The following DAAM2 variants were observed in gnomAD, a reference collection of about 807,000 sequenced individuals.
DAAM2 encodes the protein disheveled-associated activator of morphogenesis 2.
In DAAM2, 39 loss-of-function variants were observed where a neutral mutation model predicts 120.7. That is an observed-to-expected ratio of 0.32 (90% CI 0.25 to 0.42). The LOEUF (loss-of-function observed/expected upper bound fraction) is 0.42. DAAM2 is among the 10% of genes least tolerant of loss of function. DAAM2 has a pLI of 1.00. For missense variants in DAAM2, 1,283 were observed against 1,401.7 expected (o/e 0.92, Z 1.35); for synonymous variants, 488 against 524.9 (o/e 0.93, Z 0.96).
At chr6:39,795,775 A>T (rs1486129875) in intron 1 of DAAM2, among the ~76,000 whole-genome samples, 1 of 152,210 alleles carries the variant, frequency 6.6e-6, no homozygotes, top group Non-Finnish European at 1.5e-5. Context: ...AAGATATTCC[A>T]TGAGCATCCC....
At chr6:39,805,755 A>G (rs1235226122) in intron 1 of DAAM2, among the ~76,000 whole-genome samples, 1 of 152,040 alleles carries the variant, frequency 6.6e-6, no homozygotes, top group Non-Finnish European at 1.5e-5. Flanking sequence ...GGGTTTCACC[A>G]TGTTGGCAGG....
In DAAM2 at chr6:39,902,005, C is replaced by T. The variant is rs779623397; in HGVS notation, c.3175C>T (p.Arg1059Trp). 26 of 1,610,152 alleles carry T rather than the reference C, an allele frequency of 1.6e-5. No individual in the cohort carries two copies. In the Admixed American group the frequency reaches 1.7e-4, roughly 10 times the overall value. ...RSGSQALEVT[R>W]ERAINRLNY ...AGGGAGCCAGGCCCTGGAAGTTACC[C>T]GGGAGCGGGCAATAAACCGGCTAAA... The change falls in exon 25 of 25, where the codon CGG (arginine) becomes TGG (tryptophan). Residue 1059 changes from arginine to tryptophan, a missense_variant. Arg to Trp is a moderately radical substitution (Grantham distance 101, BLOSUM62 -3). Around this residue, in one of 3 missense-constraint regions of DAAM2, gnomAD observed 748 missense variants for 768.6 expected, o/e 0.97. Transcript: ENST00000274867.
intron 1 of DAAM2, chr6:39,819,958 GAC>G (rs1346191666): frequency 6.6e-6 from 1 of 152,244 alleles, no homozygotes; most frequent in Non-Finnish European, 1.5e-5. Context: ...ATTTTGAGAG[GAC>G]ACACACATTC....
At chr6:39,868,698 C>A in intron 6 of DAAM2, 125 bp from the exon 7 acceptor site, 1 of 701,726 alleles carries the variant, frequency 1.4e-6, no homozygotes, top group South Asian at 1.8e-5. Flanking sequence ...TTGGACAGAC[C>A]TGATTGGGTG....
intron 8 of DAAM2, among the ~76,000 whole-genome samples, chr6:39,871,146 C>T (rs1161392531): frequency 6.6e-6 from 1 of 152,124 alleles, no homozygotes; most frequent in East Asian, 1.9e-4. Context: ...GGTTGTCACA[C>T]TAGGGGGTGC....
At chr6:39,855,616 T>G (rs367667095) in intron 1 of DAAM2, among the ~76,000 whole-genome samples, 2 of 152,218 alleles carry the variant, frequency 1.3e-5, no homozygotes, top group Admixed American at 1.3e-4. Context: ...AGTGAACCAC[T>G]GCCTGTTGCT....
At chr6:39,869,581 A>T (rs1764570080) in intron 7 of DAAM2, among the ~76,000 whole-genome samples, 2 of 151,886 alleles carry the variant, frequency 1.3e-5, no homozygotes, top group Admixed American at 1.3e-4. Flanking sequence ...CAAGAGCAAA[A>T]CTCCATCTCA....
At chr6:39,892,157 C>T (rs890584311) in intron 19 of DAAM2, among the ~76,000 whole-genome samples, 2 of 152,176 alleles carry the variant, frequency 1.3e-5, no homozygotes, top group Non-Finnish European at 2.9e-5. Context: ...GGAAATTGCA[C>T]AAGCTGATTT....
In DAAM2 at chr6:39,900,105, G is replaced by A. The variant is rs747846516; in HGVS notation, c.2708G>A (p.Arg903Gln). ...VELEYQRRQV[R>Q]EPSDKFVPVM... ...CTGGAGTATCAGAGGCGCCAGGTAC[G>A]GGAGCCCAGTGACAAGTTTGTCCCT... Residue 903 changes from arginine (R) to glutamine (Q), a missense_variant, in exon 23 of 25, where the codon CGG becomes CAG. Physicochemically the swap from Arg to Gln is conservative, Grantham distance 43. Around this residue, in one of 3 missense-constraint regions of DAAM2, gnomAD observed 748 missense variants for 768.6 expected, o/e 0.97. Transcript: ENST00000274867. The A allele has an allele frequency of 2.2e-5, 36 of 1,600,202 alleles. No homozygotes were observed. Among genetic ancestry groups the A allele is most frequent in the Non-Finnish European group, 2.8e-5 (33 of 1,173,606 alleles).
At chr6:39,843,162 C>T (rs1763418651) in intron 1 of DAAM2, among the ~76,000 whole-genome samples, 1 of 152,082 alleles carries the variant, frequency 6.6e-6, no homozygotes. Flanking sequence ...TTATCAAGTT[C>T]CTGCTGTGTG....
At position 39,891,667 on chromosome 6, in the gene DAAM2, C is replaced by A. The variant is rs1480551420; in HGVS notation, c.2286C>A (p.Leu762=). 6.2e-7 allele frequency: 1 copy of A among 1,611,396 alleles called. No homozygotes were observed. The highest frequency in any genetic ancestry group is 1.1e-5 in the South Asian group (1 of 90,376). The change falls in exon 19 of 25, where the codon CTC becomes CTA. Residue 762 remains leucine (L), a synonymous_variant. Coordinates refer to ENST00000274867, the MANE Select transcript of DAAM2 (RefSeq NM_001201427.2). ...IDHYQQRLQA[L]FFKKKFQERL... is the part of the protein sequence containing the mutation. ...ACTACCAGCAGCGACTGCAAGCCCT[C>A]TTCTTCAAGAAGAAATTCCAGGAGC...
rs376401177 is a variant in DAAM2, at chr6:39,873,246, C to T, written c.1053C>T (p.Ile351=). ...GCCCTCTTCTCTCCCAGGTCCACAT[C>T]GACACCAAGAGTGCTTCCCAGATGT... ...ELARRFDMVH[I]DTKSASQMFE... Residue 351 remains isoleucine (I), a synonymous_variant, in exon 10 of 25, where the codon ATC becomes ATT. Coordinates refer to ENST00000274867, the MANE Select transcript of DAAM2 (RefSeq NM_001201427.2). The T allele has an allele frequency of 1.8e-5, 29 of 1,610,578 alleles. No individual in the cohort carries two copies. The highest frequency in any genetic ancestry group is 9.3e-5 in the African/African-American group (7 of 74,872).
chr6:39,887,564 G>A lies in DAAM2; in HGVS notation c.2032G>A (p.Ala678Thr). The change falls in exon 16 of 25, where the codon GCC becomes ACC. Residue 678 changes from alanine (A) to threonine (T), a missense_variant. Around this residue, in one of 3 missense-constraint regions of DAAM2, gnomAD observed 748 missense variants for 768.6 expected, o/e 0.97. Transcript: ENST00000274867. The part of the protein sequence containing the change: ...KELSVIDGRR[A>T]QNCIILLSKL... ...GCTGTCGGTCATTGATGGCCGGAGG[G>A]CCCAAAACTGCATCATCCTTCTTTC... 2 of 1,613,550 alleles carry A rather than the reference G, an allele frequency of 1.2e-6. No homozygotes were observed. The highest frequency in any genetic ancestry group is 1.7e-6 in the Non-Finnish European group (2 of 1,179,594).
rs147740268 is a variant in DAAM2, at chr6:39,809,651, A to G, written c.-57+17186A>G. On this transcript the variant is annotated intron_variant, in intron 1 of 24. Transcript: ENST00000274867. The stretch of plus-strand genomic sequence containing the variant: ...AGAGAGCCACAATGCTCAGAGAAGC[A>G]CTGCAGTAAAAAAACAAAAACAAAA... 2.1e-3 allele frequency among the ~76,000 whole-genome samples: 315 copies of G among 152,284 alleles called. 2 individuals carry two copies. The highest frequency in any genetic ancestry group is 6.9e-3 in the African/African-American group (286 of 41,560).
rs1014414531 is a variant in DAAM2 at position 39,828,140 on chromosome 6, GC to G, written c.-56-28104del. ...AGACTATTAGCTTCCAGAATGCAAA[GC>G]CCTGACTGGTTCAGTTTTGCATTTC... On this transcript the variant is annotated intron_variant, in intron 1 of 24. Transcript: ENST00000274867. Among the ~76,000 whole-genome samples the G allele has an allele frequency of 5.3e-5, 8 of 152,286 alleles. No homozygotes were observed. The East Asian group carries it at 1.5e-3, about 29-fold the overall frequency.
intron 21 of DAAM2, chr6:39,897,490 A>G (rs1483948930): frequency 2.1e-6 from 1 of 479,124 alleles, no homozygotes; most frequent in Admixed American, 3.6e-5. Context: ...CTTGTGAGTT[A>G]GGTGCAGAAT....
chr6:39,865,104 C>G, intron 5 of DAAM2, 30 bp downstream of exon 5: 1 of 1,310,792 alleles, frequency 7.6e-7, no homozygotes, highest in Non-Finnish European at 1.1e-6. Flanking sequence ...TTGCTTCCTG[C>G]TGAGTCCCTT....
intron 11 of DAAM2, among the ~76,000 whole-genome samples, chr6:39,875,824 C>T (rs926948635): frequency 2.6e-5 from 4 of 152,200 alleles, no homozygotes; most frequent in African/African-American, 9.7e-5. Flanking sequence ...TCTCCACGAT[C>T]CACTGCATGG....
At chr6:39,811,003 C>T (rs935050105) in intron 1 of DAAM2, among the ~76,000 whole-genome samples, 4 of 152,140 alleles carry the variant, frequency 2.6e-5, no homozygotes, top group Non-Finnish European at 5.9e-5. Context: ...GGAGGCAGAT[C>T]CTCATTCCAC....
Sources: allele counts gnomAD v4.1 joint callset (sites outside exome capture counted in the v4.1 genomes callset), GRCh38; gene constraint gnomAD v4.1.1; regional missense constraint gnomAD v4.1.1; transcripts MANE v1.5; gene names NCBI Gene and HGNC (gene_info 2026-07-23, HGNC 2026-07-21).